Variants in CNTN1 observed in about 807,000 individuals in gnomAD.
CNTN1 encodes contactin-1.
In CNTN1, 38 loss-of-function variants were observed where a neutral mutation model predicts 126.4. That is an observed-to-expected ratio of 0.30 (90% CI 0.23 to 0.39). The LOEUF (loss-of-function observed/expected upper bound fraction) is 0.39. CNTN1 is among the 10% of genes least tolerant of loss of function. CNTN1 has a pLI of 1.00. For synonymous variants in CNTN1, 413 were observed against 422.6 expected, an observed-to-expected ratio of 0.98 and a Z score of 0.28; for missense variants, 1,009 against 1,248.4, an observed-to-expected ratio of 0.81 and a Z score of 2.89.
chr12:40,791,276 T>G (rs1388396644), intron 1 of CNTN1, among the ~76,000 whole-genome samples: 1 of 152,146 alleles, frequency 6.6e-6, no homozygotes, highest in East Asian at 1.9e-4. Context: ...ATTGTCTTAT[T>G]TCCAGAGATG....
chr12:40,906,984 C>G (rs182242787), intron 1 of CNTN1, among the ~76,000 whole-genome samples: 7 of 152,192 alleles, frequency 4.6e-5, no homozygotes, highest in African/African-American at 1.4e-4. Context: ...AGCCCATGCT[C>G]TATCTTAATT....
At chr12:40,971,362 C>T (rs937603262) in intron 15 of CNTN1, 1 of 1,323,506 alleles carries the variant, frequency 7.6e-7, no homozygotes, top group Non-Finnish European at 1.1e-6. Context: ...GGCAAATCCC[C>T]CAAGTGCATG....
intron 14 of CNTN1, among the ~76,000 whole-genome samples, chr12:40,945,856 A>G (rs1371205786): frequency 6.6e-6 from 1 of 152,102 alleles, no homozygotes; most frequent in Non-Finnish European, 1.5e-5. Flanking sequence ...ATAGCTGCAG[A>G]GATTCACATA....
intron 23 of CNTN1, among the ~76,000 whole-genome samples, chr12:41,042,583 T>A: frequency 6.6e-6 from 1 of 152,076 alleles, no homozygotes; most frequent in Non-Finnish European, 1.5e-5. Flanking sequence ...AGGACTTGCT[T>A]TATGAATCTG....
chr12:40,704,986 C>G (rs1256569785), intron 1 of CNTN1, among the ~76,000 whole-genome samples: 1 of 152,120 alleles, frequency 6.6e-6, no homozygotes, highest in Non-Finnish European at 1.5e-5. Flanking sequence ...ATAAAAATCC[C>G]TCTATTTTCT....
At chr12:40,861,214 TAA>T (rs1267016078) in intron 1 of CNTN1, among the ~76,000 whole-genome samples, 1 of 152,156 alleles carries the variant, frequency 6.6e-6, no homozygotes, top group South Asian at 2.1e-4. Context: ...TTGTCCATGT[TAA>T]GTTTTTTTCT....
chr12:41,013,531 T>C (rs1033419339), intron 17 of CNTN1, among the ~76,000 whole-genome samples: 21 of 146,120 alleles, frequency 1.4e-4, no homozygotes, highest in Middle Eastern at 3.2e-3. Context: ...TGGAGTGAAG[T>C]ACAAAAAAAA....
At chr12:40,743,279 C>G (rs1366623223) in intron 1 of CNTN1, among the ~76,000 whole-genome samples, 3 of 151,852 alleles carry the variant, frequency 2.0e-5, no homozygotes, top group Non-Finnish European at 4.4e-5. Context: ...TAGACTTGCT[C>G]TAGACATTCA....
chr12:40,770,440 A>G (rs1187631455), intron 1 of CNTN1, among the ~76,000 whole-genome samples: 2 of 152,164 alleles, frequency 1.3e-5, no homozygotes. Flanking sequence ...TCAGTAATAA[A>G]GCATATATAA....
At chr12:40,867,425 T>C (rs1943334757) in intron 1 of CNTN1, among the ~76,000 whole-genome samples, 1 of 152,170 alleles carries the variant, frequency 6.6e-6, no homozygotes, top group South Asian at 2.1e-4. Context: ...AGAGGAATAA[T>C]TTCAACAGCA....
At chr12:40,828,850 A>T (rs1941708833) in intron 1 of CNTN1, among the ~76,000 whole-genome samples, 2 of 152,174 alleles carry the variant, frequency 1.3e-5, no homozygotes. Flanking sequence ...GCTGTCAAAC[A>T]AACCATTTGA....
intron 1 of CNTN1, among the ~76,000 whole-genome samples, chr12:40,771,058 A>AGTCT (rs1264945950): frequency 6.6e-6 from 1 of 152,088 alleles, no homozygotes; most frequent in African/African-American, 2.4e-5. Flanking sequence ...TCATAATTAT[A>AGTCT]GTCTGTCCAT....
intron 1 of CNTN1, among the ~76,000 whole-genome samples, chr12:40,884,744 C>G (rs1943975045): frequency 6.6e-6 from 1 of 151,494 alleles, no homozygotes; most frequent in Non-Finnish European, 1.5e-5. Flanking sequence ...ATTCATTAGT[C>G]TATTAGTATT....
chr12:40,885,398 C>T (rs771482717), intron 1 of CNTN1, among the ~76,000 whole-genome samples: 7 of 151,818 alleles, frequency 4.6e-5, no homozygotes, highest in Non-Finnish European at 7.4e-5. Flanking sequence ...TTATGATTTT[C>T]AATTGGTGGG....
At chr12:40,794,431 A>T (rs1174210186) in intron 1 of CNTN1, among the ~76,000 whole-genome samples, 1 of 138,484 alleles carries the variant, frequency 7.2e-6, no homozygotes, top group Non-Finnish European at 1.6e-5. Context: ...TTTAATAATG[A>T]ATAACTACTT....
intron 15 of CNTN1, 82 bp from the exon 16 acceptor site, chr12:40,980,827 T>C: frequency 1.5e-6 from 2 of 1,291,248 alleles, no homozygotes; most frequent in Non-Finnish European, 2.2e-6. Flanking sequence ...AGATTAATGG[T>C]TAGAAGACAT....
chr12:40,843,372 G>T (rs1193824867), intron 1 of CNTN1, among the ~76,000 whole-genome samples: 2 of 152,100 alleles, frequency 1.3e-5, no homozygotes, highest in Non-Finnish European at 2.9e-5. Flanking sequence ...TAATAAAAAA[G>T]AAATTGTGGC....
chr12:40,877,382 C>T (rs1943707040), intron 1 of CNTN1, among the ~76,000 whole-genome samples: 2 of 152,134 alleles, frequency 1.3e-5, no homozygotes, highest in African/African-American at 2.4e-5. Context: ...GAGATTATTT[C>T]CTCTGAAAGT....
chr12:40,855,705 G>A (rs1049660358), intron 1 of CNTN1, among the ~76,000 whole-genome samples: 2 of 151,962 alleles, frequency 1.3e-5, no homozygotes, highest in Non-Finnish European at 2.9e-5. Flanking sequence ...GACAAAAGAA[G>A]TACAACTTTA....
Sources: allele counts gnomAD v4.1 joint callset (sites outside exome capture counted in the v4.1 genomes callset), GRCh38; gene constraint gnomAD v4.1.1; transcripts MANE v1.5; gene names NCBI Gene and HGNC (gene_info 2026-07-23, HGNC 2026-07-21).